The following SDK1 variants were observed in gnomAD, a reference collection of about 807,000 sequenced individuals.
SDK1 encodes the protein protein sidekick-1.
In SDK1, 157 loss-of-function variants were observed where a neutral mutation model predicts 245.5. The ratio of observed to expected loss-of-function variants is 0.64; its 90% CI spans 0.56 to 0.73. The LOEUF (loss-of-function observed/expected upper bound fraction) is 0.73, where lower values mean the gene tolerates loss of function less well. Among genes scored for constraint, SDK1 ranks in the 30% least tolerant of loss-of-function variants. The probability of loss-of-function intolerance (pLI) is 0.00; values close to 1 mark genes in which losing one functional copy is unlikely to be tolerated. For missense variants in SDK1, 3,583 were observed against 3,002.3 expected (o/e 1.19, Z -4.52); for synonymous variants, 1,647 against 1,278.5 (o/e 1.29, Z -6.15).
At chr7:3,429,992 A>G (rs1422586357) in intron 1 of SDK1, among the ~76,000 whole-genome samples, 2 of 152,230 alleles carry the variant, frequency 1.3e-5, no homozygotes, top group Non-Finnish European at 2.9e-5. Context: ...TTTCTGTGCT[A>G]TTTAAAATAC....
rs546622891 is a variant in SDK1 at position 3,592,213 on chromosome 7, C to G, written c.299-26867C>G. Among the ~76,000 whole-genome samples, 3 of 152,260 alleles carry G rather than the reference C, an allele frequency of 2.0e-5. No individual in the cohort carries two copies. The South Asian group carries it at 6.2e-4, about 32-fold the overall frequency. On this transcript the variant is annotated intron_variant, in intron 1 of 44. Coordinates refer to ENST00000404826, the MANE Select transcript of SDK1 (RefSeq NM_152744.4). ...TCCTCAAGTCATTATAAGAATCACC[C>G]AACAGTGTGAAATCAAAATGATTTC...
chr7:3,715,196 G>C (rs777899050), intron 4 of SDK1, among the ~76,000 whole-genome samples: 2 of 151,932 alleles, frequency 1.3e-5, no homozygotes, highest in Non-Finnish European at 2.9e-5. Context: ...AAATATACTA[G>C]ATCGTCATAA....
intron 5 of SDK1, among the ~76,000 whole-genome samples, chr7:3,899,766 C>T (rs1404288515): frequency 6.6e-6 from 1 of 152,214 alleles, no homozygotes; most frequent in African/African-American, 2.4e-5. Context: ...CTTGCCCACC[C>T]TCAGATATCT....
intron 25 of SDK1, among the ~76,000 whole-genome samples, chr7:4,120,045 CA>C: frequency 6.7e-6 from 1 of 148,508 alleles, no homozygotes; most frequent in East Asian, 1.9e-4. Context: ...TAGACACTGT[CA>C]AAAAGAGAAT....
chr7:3,657,947 T>C (rs1479286629), intron 4 of SDK1, among the ~76,000 whole-genome samples: 2 of 152,168 alleles, frequency 1.3e-5, no homozygotes, highest in Non-Finnish European at 2.9e-5. Context: ...GTCATCATTT[T>C]CGTGAATGTT....
intron 4 of SDK1, among the ~76,000 whole-genome samples, chr7:3,644,067 T>G (rs1203712149): frequency 6.6e-6 from 1 of 150,974 alleles, no homozygotes; most frequent in African/African-American, 2.4e-5. Context: ...CATCCCCGGC[T>G]AATTTTTGTG....
At chr7:3,325,971 G>T (rs1405082877) in intron 1 of SDK1, among the ~76,000 whole-genome samples, 1 of 151,962 alleles carries the variant, frequency 6.6e-6, no homozygotes, top group Non-Finnish European at 1.5e-5. Context: ...ACTCTCATAG[G>T]GATAAAGAGC....
chr7:4,045,494 C>T (rs528460899), intron 17 of SDK1, among the ~76,000 whole-genome samples: 11 of 152,240 alleles, frequency 7.2e-5, no homozygotes, highest in Non-Finnish European at 1.6e-4. Context: ...GATCCTCCCA[C>T]CTCGGCCTCC....
In SDK1 at chr7:4,268,685, ATCC is replaced by A. The variant is rs1562500692; in HGVS notation, c.*3306_*3308del. On this transcript the variant is annotated 3_prime_UTR_variant, in exon 45 of 45. Transcript: ENST00000404826. ...CGCATTCTTGGCACACAGTGTAGCT[ATCC>A]TCCTGACGAGCAACCCGTCTGCGTA... 10 of 1,367,872 alleles carry A rather than the reference ATCC, an allele frequency of 7.3e-6. 1 individual carries two copies. The Middle Eastern group carries it at 6.3e-4, about 86-fold the overall frequency. 84.7% of individuals were successfully genotyped at this position (1,367,872 alleles called of 1,614,324 possible).
At chr7:3,809,922 A>C (rs557040448) in intron 4 of SDK1, among the ~76,000 whole-genome samples, 1 of 152,336 alleles carries the variant, frequency 6.6e-6, no homozygotes, top group African/African-American at 2.4e-5. Context: ...TCACGAAGTA[A>C]GAATGGCTGG....
chr7:3,704,239 A>G (rs1275832560), intron 4 of SDK1, among the ~76,000 whole-genome samples: 2 of 151,826 alleles, frequency 1.3e-5, no homozygotes, highest in Non-Finnish European at 2.9e-5. Flanking sequence ...TTTTTTATGG[A>G]TGAGTAGTAT....
At chr7:3,469,040 C>T (rs964676027) in intron 1 of SDK1, among the ~76,000 whole-genome samples, 4 of 152,130 alleles carry the variant, frequency 2.6e-5, no homozygotes, top group African/African-American at 7.2e-5. Context: ...TTTTGCTGAT[C>T]ATGTCATTAT....
intron 4 of SDK1, among the ~76,000 whole-genome samples, chr7:3,663,576 A>G (rs897522068): frequency 3.3e-5 from 5 of 152,190 alleles, no homozygotes; most frequent in African/African-American, 1.2e-4. Flanking sequence ...CCATGTGGCC[A>G]GAGAGGGGGA....
chr7:4,156,015 C>T (rs985968524), intron 30 of SDK1, among the ~76,000 whole-genome samples: 2 of 152,202 alleles, frequency 1.3e-5, no homozygotes, highest in Non-Finnish European at 2.9e-5. Context: ...TTGCCCCACA[C>T]CACACACCTG....
chr7:3,638,336 T>C (rs1782534704), intron 2 of SDK1, among the ~76,000 whole-genome samples: 1 of 152,210 alleles, frequency 6.6e-6, no homozygotes, highest in South Asian at 2.1e-4. Flanking sequence ...CGTGCACACG[T>C]ATGTTTATTG....
chr7:3,444,526 T>C (rs1780290468), intron 1 of SDK1, among the ~76,000 whole-genome samples: 2 of 152,226 alleles, frequency 1.3e-5, no homozygotes, highest in African/African-American at 4.8e-5. Context: ...TAAGAACTTT[T>C]TATAAGAGAA....
At chr7:3,935,276 A>G (rs569076036) in intron 5 of SDK1, among the ~76,000 whole-genome samples, 2 of 152,344 alleles carry the variant, frequency 1.3e-5, no homozygotes, top group South Asian at 2.1e-4. Flanking sequence ...AAATGGGTCA[A>G]AAACCTAAAT....
At chr7:3,322,145 A>G (rs946308474) in intron 1 of SDK1, among the ~76,000 whole-genome samples, 4 of 151,914 alleles carry the variant, frequency 2.6e-5, no homozygotes, top group Admixed American at 6.6e-5. Flanking sequence ...ATCCCCCACC[A>G]AAGGAAGTCC....
At chr7:4,051,889 C>T in intron 19 of SDK1, 59 bp downstream of exon 19, 7 of 1,477,248 alleles carry the variant, frequency 4.7e-6, no homozygotes, top group Non-Finnish European at 6.4e-6. Context: ...TATACCGCTG[C>T]AACTTCCAGA....
Sources: gnomAD v4.1 joint callset for allele counts (sites outside exome capture counted in the v4.1 genomes callset) on GRCh38, gnomAD v4.1.1 for gene constraint, MANE v1.5 for transcripts, NCBI Gene and HGNC (gene_info 2026-07-23, HGNC 2026-07-21) for gene names.